The following STX12 variants were observed in gnomAD, a reference collection of about 807,000 sequenced individuals.
STX12 encodes syntaxin 12, also known as syntaxin-12.
A neutral mutation model predicts 42.2 loss-of-function variants in STX12; 17 were observed. The observed-to-expected ratio is 0.40, with a 90% CI of 0.28 to 0.60. The LOEUF (loss-of-function observed/expected upper bound fraction) is 0.60. Among genes scored for constraint, STX12 ranks in the 20% least tolerant of loss-of-function variants. The pLI is 0.39. For missense variants in STX12, 297 were observed against 330.9 expected, an observed-to-expected ratio of 0.90 and a Z score of 0.79; for synonymous variants, 108 against 116.7, an observed-to-expected ratio of 0.93 and a Z score of 0.48.
At chr1:27,818,757 G>A (rs747904563) in intron 7 of STX12, among the ~76,000 whole-genome samples, 1 of 151,826 alleles carries the variant, frequency 6.6e-6, no homozygotes, top group African/African-American at 2.4e-5. Flanking sequence ...AGCCTCCCGA[G>A]TAGCTGGGAT....
intron 1 of STX12, among the ~76,000 whole-genome samples, chr1:27,776,275 A>T (rs963189361): frequency 6.6e-6 from 1 of 152,340 alleles, no homozygotes; most frequent in Middle Eastern, 3.4e-3. Flanking sequence ...AACAACTCTG[A>T]AGCACCAGTA....
At chr1:27,807,250 T>C (rs2088868172) in intron 4 of STX12, among the ~76,000 whole-genome samples, 1 of 152,166 alleles carries the variant, frequency 6.6e-6, no homozygotes, top group East Asian at 1.9e-4. Context: ...TATAATTAAA[T>C]TATTATTGAC....
chr1:27,788,612 C>G (rs12141804), intron 1 of STX12, among the ~76,000 whole-genome samples: 344 of 152,292 alleles, frequency 2.3e-3, no homozygotes, highest in Non-Finnish European at 3.9e-3. Context: ...CCATTGGAAT[C>G]TGATGTACTG....
rs866033563 is a variant in STX12 at position 27,812,200 on chromosome 1, G to T, written c.508G>T (p.Glu170Ter). The T allele has an allele frequency of 6.4e-7, 1 of 1,561,016 alleles. No individual in the cohort carries two copies. The highest frequency in any genetic ancestry group is 2.4e-5 in the East Asian group (1 of 41,852). Residue 170 changes from glutamate (E) to a stop codon, truncating the protein, a stop_gained, in exon 6 of 9, where the codon GAG (glutamate) becomes TAG (stop). Coordinates refer to ENST00000373943, the MANE Select transcript of STX12 (RefSeq NM_177424.3). LOFTEE classifies it high-confidence loss of function. ...EWNQMQSQEDEVAITEQDLEL... is the reference protein window; with the variant it reads ...EWNQMQSQED ...GAACCAGATGCAGAGCCAGGAGGATGAGGTGGCCATCACTGAGCAGGATTT... is the reference window on the plus strand; with the variant it reads ...GAACCAGATGCAGAGCCAGGAGGATTAGGTGGCCATCACTGAGCAGGATTT...
At chr1:27,809,011 C>A (rs6674391) in intron 4 of STX12, among the ~76,000 whole-genome samples, 14,881 of 152,156 alleles carry the variant, frequency 0.098, 2,445 homozygotes, top group African/African-American at 0.34. Flanking sequence ...AAATCAAAAT[C>A]TGCCACGATT....
At chr1:27,809,163 G>A (rs2088885017) in intron 4 of STX12, among the ~76,000 whole-genome samples, 1 of 151,870 alleles carries the variant, frequency 6.6e-6, no homozygotes, top group African/African-American at 2.4e-5. Context: ...GTGAAACCCC[G>A]TCTCTACTAA....
intron 5 of STX12, 69 bp from the exon 6 acceptor site, chr1:27,812,094 A>T: frequency 7.9e-7 from 1 of 1,263,884 alleles, no homozygotes; most frequent in Non-Finnish European, 1.1e-6. Flanking sequence ...CTGGCAGTAG[A>T]GATGTTGGAG....
At chr1:27,800,553 A>G (rs2088821118) in intron 3 of STX12, among the ~76,000 whole-genome samples, 1 of 151,328 alleles carries the variant, frequency 6.6e-6, no homozygotes, top group Admixed American at 6.6e-5. Context: ...TTTTTCAGAC[A>G]GAGTTTCACT....
chr1:27,801,604 T>G, intron 3 of STX12, 74 bp from the exon 4 acceptor site: 1 of 1,404,958 alleles, frequency 7.1e-7, no homozygotes. Context: ...GGTATAATTT[T>G]ACTTTTAAGG....
chr1:27,788,277 C>T (rs1396233151), intron 1 of STX12, among the ~76,000 whole-genome samples: 2 of 152,140 alleles, frequency 1.3e-5, no homozygotes, highest in African/African-American at 4.8e-5. Flanking sequence ...ATGAATAAAT[C>T]TCCCCCACCC....
intron 1 of STX12, among the ~76,000 whole-genome samples, 165 bp from the exon 2 acceptor site, chr1:27,789,397 T>C (rs999012372): frequency 6.6e-6 from 1 of 152,194 alleles, no homozygotes; most frequent in African/African-American, 2.4e-5. Flanking sequence ...GTAATTAGTT[T>C]TTGGAGGAAT....
At chr1:27,803,024 A>T (rs546476335) in intron 4 of STX12, among the ~76,000 whole-genome samples, 1 of 152,334 alleles carries the variant, frequency 6.6e-6, no homozygotes, top group African/African-American at 2.4e-5. Flanking sequence ...ATTATCCAGC[A>T]TGTAGCATAG....
intron 8 of STX12, 41 bp downstream of exon 8, chr1:27,819,773 C>T (rs1375136219): frequency 1.3e-6 from 2 of 1,560,512 alleles, no homozygotes. Context: ...GTGTTGCAGA[C>T]TTTTTAGGCC....
At chr1:27,818,072 AAAAG>A (rs917417697) in intron 7 of STX12, 149 bp downstream of exon 7, 191 of 634,344 alleles carry the variant, frequency 3.0e-4, no homozygotes, top group Middle Eastern at 8.6e-4. Flanking sequence ...TGTCTCTTAA[AAAAG>A]AAAGAAAGAA....
Position 27,773,357 on chromosome 1 carries a change from C to T in STX12, c.50C>T (p.Pro17Leu). The T allele has an allele frequency of 1.2e-6, 2 of 1,613,330 alleles. No homozygotes were observed. The highest frequency in any genetic ancestry group is 2.2e-5 in the South Asian group (2 of 91,040). ...DMYRNPGPSG[P>L]QLRDFSSIIQ... ...TACCGGAACCCGGGGCCCTCGGGGC[C>T]CCAGCTCCGGGACTTCAGCAGCATC... is the stretch of plus-strand genomic sequence containing the variant. The change falls in exon 1 of 9, where the codon CCC becomes CTC. Residue 17 changes from proline (P) to leucine (L), a missense_variant. Coordinates refer to ENST00000373943, the MANE Select transcript of STX12 (RefSeq NM_177424.3).
chr1:27,796,535 G>T (rs2088786907), intron 3 of STX12, among the ~76,000 whole-genome samples: 1 of 152,032 alleles, frequency 6.6e-6, no homozygotes, highest in Admixed American at 6.6e-5. Context: ...AGGACCACAG[G>T]CATGTGCCAC....
At chr1:27,817,411 TG>T (rs1183524341) in intron 6 of STX12, among the ~76,000 whole-genome samples, 1 of 152,192 alleles carries the variant, frequency 6.6e-6, no homozygotes, top group East Asian at 1.9e-4. Flanking sequence ...GCTCCTTACT[TG>T]TAGCTCCTCC....
At chr1:27,792,819 A>G (rs1387562476) in intron 2 of STX12, among the ~76,000 whole-genome samples, 1 of 152,224 alleles carries the variant, frequency 6.6e-6, no homozygotes, top group African/African-American at 2.4e-5. Context: ...TGGATAGTAG[A>G]GGAAACCACA....
intron 1 of STX12, among the ~76,000 whole-genome samples, chr1:27,782,942 A>G (rs1571517081): frequency 6.6e-6 from 1 of 152,360 alleles, no homozygotes; most frequent in East Asian, 1.9e-4. Flanking sequence ...CTTCATTTTC[A>G]TAATCACCAC....
Sources: allele counts gnomAD v4.1 joint callset (sites outside exome capture counted in the v4.1 genomes callset), GRCh38; gene constraint gnomAD v4.1.1; transcripts MANE v1.5; gene names NCBI Gene and HGNC (gene_info 2026-07-23, HGNC 2026-07-21).